PHACTR1: variants seen among roughly 807,000 people sequenced by gnomAD.
PHACTR1 encodes the protein phosphatase and actin regulator 1, also known as RPEL repeat containing 1.
Under a neutral mutation model 69.2 loss-of-function variants are expected in PHACTR1, and 16 were observed. That is an observed-to-expected ratio of 0.23 (90% CI 0.16 to 0.35). The LOEUF is 0.35. Among genes scored for constraint, PHACTR1 ranks in the 10% least tolerant of loss-of-function variants. The pLI, the probability that PHACTR1 is intolerant of heterozygous loss-of-function variation, is 1.00. For missense variants in PHACTR1, 510 were observed against 734.7 expected, an observed-to-expected ratio of 0.69 and a Z score of 3.54; for synonymous variants, 312 against 284.5, an observed-to-expected ratio of 1.10 and a Z score of -0.97.
chr6:13,179,740 ATAGATAG>A lies in PHACTR1; in HGVS notation c.497-2778_497-2772del, dbSNP rs1761944021. Among the ~76,000 whole-genome samples, 1 of 138,880 alleles carries A rather than the reference ATAGATAG, an allele frequency of 7.2e-6. No homozygotes were observed. The highest frequency in any genetic ancestry group is 2.7e-5 in the African/African-American group (1 of 36,432). 91.1% of individuals were successfully genotyped at this position (138,880 alleles called of 152,430 possible). ...GATAGATAGATAGATAGATAGATAG[ATAGATAG>A]ACAGAACAAGGTTATCAATATTAAT... On this transcript the variant is annotated intron_variant, in intron 6 of 14. Transcript: ENST00000332995. This position sits in a 1 kb window ranked among gnomAD's most constrained non-coding sequence, Gnocchi z 4.2.
intron 4 of PHACTR1, among the ~76,000 whole-genome samples, chr6:12,850,953 A>G (rs1779766467): frequency 6.6e-6 from 1 of 152,216 alleles, no homozygotes; most frequent in Non-Finnish European, 1.5e-5. Context: ...AGGTACGGGA[A>G]TTCAGGACTT....
intron 4 of PHACTR1, among the ~76,000 whole-genome samples, chr6:12,779,275 C>A (rs1325183827): frequency 6.6e-6 from 1 of 152,102 alleles, no homozygotes; most frequent in Non-Finnish European, 1.5e-5. Flanking sequence ...GCAGAGATTG[C>A]GGTGAGCTGA....
At chr6:12,769,402 A>G (rs1769092011) in intron 4 of PHACTR1, among the ~76,000 whole-genome samples, 2 of 152,332 alleles carry the variant, frequency 1.3e-5, no homozygotes, top group East Asian at 3.9e-4. Flanking sequence ...TTTTTGAAAA[A>G]GGAATGAATT....
chr6:12,997,370 A>G (rs754005388), intron 4 of PHACTR1, among the ~76,000 whole-genome samples: 9 of 147,932 alleles, frequency 6.1e-5, no homozygotes, highest in Middle Eastern at 3.6e-3. Context: ...ATAAGTAAAT[A>G]TATATTTAAA....
intron 4 of PHACTR1, among the ~76,000 whole-genome samples, chr6:12,895,389 G>T (rs1467890245): frequency 2.0e-5 from 3 of 151,898 alleles, no homozygotes; most frequent in African/African-American, 7.3e-5. Flanking sequence ...TGCCATGTTG[G>T]CCAGGCTGGT....
At chr6:13,049,102 T>C (rs1336509433) in intron 4 of PHACTR1, among the ~76,000 whole-genome samples, 1 of 152,224 alleles carries the variant, frequency 6.6e-6, no homozygotes, top group African/African-American at 2.4e-5. Flanking sequence ...TAATTATACC[T>C]TTATAATACC....
chr6:12,995,303 A>C, intron 4 of PHACTR1, among the ~76,000 whole-genome samples: 1 of 152,000 alleles, frequency 6.6e-6, no homozygotes, highest in Non-Finnish European at 1.5e-5. Flanking sequence ...GAAAAGAAAG[A>C]ATAGAACCCC....
intron 7 of PHACTR1, among the ~76,000 whole-genome samples, chr6:13,198,798 A>G (rs1764787826): frequency 6.6e-6 from 1 of 152,228 alleles, no homozygotes; most frequent in South Asian, 2.1e-4. Context: ...CTGAACATCA[A>G]AGAGATTAAG....
At chr6:13,014,978 C>A (rs1799965741) in intron 4 of PHACTR1, among the ~76,000 whole-genome samples, 1 of 152,236 alleles carries the variant, frequency 6.6e-6, no homozygotes, top group East Asian at 1.9e-4. Context: ...ACCGAACAGG[C>A]TCTGCAGGGC....
intron 4 of PHACTR1, among the ~76,000 whole-genome samples, chr6:13,041,774 C>T (rs987061495): frequency 6.6e-6 from 1 of 152,074 alleles, no homozygotes; most frequent in Non-Finnish European, 1.5e-5. Flanking sequence ...ATCAAAAAGC[C>T]TGCACTGCCT....
intron 4 of PHACTR1, among the ~76,000 whole-genome samples, chr6:12,994,927 C>A (rs1021698946): frequency 6.6e-6 from 1 of 152,054 alleles, no homozygotes; most frequent in African/African-American, 2.4e-5. Flanking sequence ...TGCTAGTAAA[C>A]TCAGGGTCTG....
rs546807425 is a variant in PHACTR1, at chr6:13,033,934, C to T, written c.251-19431C>T. Among the ~76,000 whole-genome samples, 11 of 152,264 alleles carry T rather than the reference C, an allele frequency of 7.2e-5. No homozygotes were observed. In the South Asian group the frequency reaches 2.3e-3, roughly 32 times the overall value. On this transcript the variant is annotated intron_variant, in intron 4 of 14. Coordinates refer to ENST00000332995, the MANE Select transcript of PHACTR1 (RefSeq NM_030948.6). ...CGTATGAACTTATCTTCAAGAAAAT[C>T]TGAAATTGTTGTCTTGTCTAAGCCA...
At chr6:12,877,409 C>A (rs9395204) in intron 4 of PHACTR1, among the ~76,000 whole-genome samples, 148,559 of 152,248 alleles carry the variant, frequency 0.98, 72,595 homozygotes, top group East Asian at 1. Context: ...GAGATAATGC[C>A]TCTCCTGGAA....
At chr6:13,199,734 A>T (rs1277031654) in intron 7 of PHACTR1, among the ~76,000 whole-genome samples, 4 of 152,094 alleles carry the variant, frequency 2.6e-5, no homozygotes, top group African/African-American at 7.2e-5. Context: ...TTTAGACAAG[A>T]TATAGATAGA....
intron 4 of PHACTR1, among the ~76,000 whole-genome samples, chr6:12,955,801 T>A (rs947597302): frequency 1.3e-5 from 2 of 152,218 alleles, no homozygotes; most frequent in Non-Finnish European, 2.9e-5. Context: ...CTCATGTCTA[T>A]CTGGGTTTTC....
intron 4 of PHACTR1, among the ~76,000 whole-genome samples, chr6:12,845,825 G>C (rs534507047): frequency 6.6e-6 from 1 of 152,044 alleles, no homozygotes. Flanking sequence ...TCTTAGGCTC[G>C]GCAAGAGTAA....
At chr6:12,933,668 A>G (rs1789116644) in intron 4 of PHACTR1, 1 of 1,612,804 alleles carries the variant, frequency 6.2e-7, no homozygotes, top group Admixed American at 1.7e-5. Context: ...TGAAGCAAGA[A>G]TGGGACCAGC....
intron 4 of PHACTR1, among the ~76,000 whole-genome samples, chr6:12,771,667 C>T (rs554966638): frequency 7.2e-5 from 11 of 152,294 alleles, no homozygotes; most frequent in Non-Finnish European, 1.3e-4. Flanking sequence ...CTTTACCCGA[C>T]TGTAACTTAA....
At chr6:13,188,654 G>GA (rs772456717) in intron 7 of PHACTR1, among the ~76,000 whole-genome samples, 3 of 152,178 alleles carry the variant, frequency 2.0e-5, no homozygotes, top group Non-Finnish European at 4.4e-5. Flanking sequence ...ACTTTATCAG[G>GA]AAAATGTAAT....
Sources: gnomAD v4.1 joint callset for allele counts (sites outside exome capture counted in the v4.1 genomes callset) on GRCh38, gnomAD v4.1.1 for gene constraint, Gnocchi (gnomAD v3.1) non-coding constraint, MANE v1.5 for transcripts, NCBI Gene and HGNC (gene_info 2026-07-23, HGNC 2026-07-21) for gene names.